The following MORN1 variants were observed in gnomAD, a reference collection of about 807,000 sequenced individuals.
MORN1 encodes MORN repeat containing 1, also known as MORN repeat-containing protein 1.
A neutral mutation model predicts 61.9 loss-of-function variants in MORN1; 67 were observed. The observed-to-expected ratio is 1.08, with a 90% CI of 0.89 to 1.33. The LOEUF (loss-of-function observed/expected upper bound fraction) is 1.33, where lower values mean the gene tolerates loss of function less well. MORN1 is among the 40% of genes most tolerant of loss of function. The pLI is 0.00. For missense variants in MORN1, 752 were observed against 691.2 expected, an observed-to-expected ratio of 1.09 and a Z score of -0.99; for synonymous variants, 301 against 292.0, an observed-to-expected ratio of 1.03 and a Z score of -0.31.
intron 2 of MORN1, among the ~76,000 whole-genome samples, chr1:2,389,006 TGAGGCTGAGGCAG>T (rs1642574613): frequency 6.8e-6 from 1 of 148,104 alleles, no homozygotes; most frequent in South Asian, 2.1e-4. Flanking sequence ...CAGCTACTCA[TGAGGCTGAGGCAG>T]GAGAATCACT....
In MORN1 at chr1:2,324,050, CCAGA is replaced by C. The variant is rs3831908; in HGVS notation, c.1297+43_1297+46del. 3.6e-3 allele frequency: 5,628 copies of C among 1,565,350 alleles called. 333 individuals carry two copies. The East Asian group carries it at 0.12, about 33-fold the overall frequency. On this transcript the variant is annotated intron_variant, in intron 13 of 13. Coordinates refer to ENST00000378531, the MANE Select transcript of MORN1 (RefSeq NM_024848.3). ...AGCCCTGGGCTGCGGCCTCGCCTCT[CCAGA>C]CAGTGGCACAGCCGGCGATGGACTT...
chr1:2,355,177 CAGTA>C (rs1187807210), intron 10 of MORN1: 4 of 1,198,876 alleles, frequency 3.3e-6, no homozygotes, highest in Non-Finnish European at 4.2e-6. Context: ...GCATGGCGCC[CAGTA>C]AGTATTTTTA....
chr1:2,340,979 G>A (rs770306229), intron 10 of MORN1, among the ~76,000 whole-genome samples: 11 of 152,374 alleles, frequency 7.2e-5, no homozygotes, highest in Middle Eastern at 3.4e-3. Flanking sequence ...ACGAGACCAC[G>A]ACGCGGGCTG....
chr1:2,327,843 G>A (rs1381230440), intron 12 of MORN1, among the ~76,000 whole-genome samples: 2 of 152,292 alleles, frequency 1.3e-5, no homozygotes, highest in African/African-American at 2.4e-5. Flanking sequence ...CCTGACGGGT[G>A]AGGGCCGCTT....
At chr1:2,323,331 A>G in intron 13 of MORN1, 3 of 985,234 alleles carry the variant, frequency 3.0e-6, no homozygotes, top group Non-Finnish European at 3.6e-6. Flanking sequence ...TGGCATCCAG[A>G]CCCCAGTGAG....
At chr1:2,389,113 CAA>C (rs549291051) in intron 2 of MORN1, among the ~76,000 whole-genome samples, 20 of 112,952 alleles carry the variant, frequency 1.8e-4, no homozygotes, top group Non-Finnish European at 1.8e-4. Context: ...ACTCTGTCTC[CAA>C]AAAAAAAAAA....
rs1642192202 is a variant in MORN1 at position 2,374,498 on chromosome 1, G to GCCC, written c.596_597insGGG (p.Val199_Thr200insGly). The GCCC allele has an allele frequency of 6.2e-7, 1 of 1,603,690 alleles. No individual in the cohort carries two copies. Among genetic ancestry groups the GCCC allele is most frequent in the Non-Finnish European group, 8.5e-7 (1 of 1,175,854 alleles). Reference sequence around the variant, plus strand: ...CATTGATCCACAACCCATAATAGGTGACCCCTGAGCAGTGGGCCATGCTGC... The same window carrying GCCC: ...CATTGATCCACAACCCATAATAGGTGCCCACCCCTGAGCAGTGGGCCATGCTGC... On this transcript the variant is annotated inframe_insertion, in exon 7 of 14. Coordinates refer to ENST00000378531, the MANE Select transcript of MORN1 (RefSeq NM_024848.3).
chr1:2,373,240 G>A (rs1356487272), intron 7 of MORN1, among the ~76,000 whole-genome samples: 1 of 152,252 alleles, frequency 6.6e-6, no homozygotes, highest in African/African-American at 2.4e-5. Context: ...GGGATCTGAG[G>A]CTGCCTCAAA....
chr1:2,325,287 C>CCTCTCT (rs59175712), intron 12 of MORN1, among the ~76,000 whole-genome samples: 44 of 136,458 alleles, frequency 3.2e-4, no homozygotes, highest in Non-Finnish European at 5.0e-4. Flanking sequence ...CTCTCTCTCT[C>CCTCTCT]CTCTCTCTCT....
At chr1:2,322,224 TAAG>T (rs1569894769) in intron 13 of MORN1, 11 of 984,994 alleles carry the variant, frequency 1.1e-5, no homozygotes, top group Non-Finnish European at 1.3e-5. Flanking sequence ...AAAAAGAAAA[TAAG>T]AAATAACAAA....
rs1447419901 is a variant in MORN1 at position 2,337,411 on chromosome 1, G to A, written c.1037-561C>T. Among the ~76,000 whole-genome samples the A allele has an allele frequency of 1.3e-5, 2 of 152,174 alleles. No homozygotes were observed. The highest frequency in any genetic ancestry group is 1.9e-4 in the East Asian group (1 of 5,188). The stretch of plus-strand genomic sequence containing the variant: ...CCCCAGGTCCTCGGGCATCAGAGGC[G>A]GGTGTGGGCGGGCTCAGCCTGTGCA... On this transcript the variant is annotated intron_variant, in intron 10 of 13. Transcript: ENST00000378531. The surrounding 1 kb of genome is among the most constrained non-coding windows in gnomAD (Gnocchi z 5.7).
chr1:2,334,885 C>T lies in MORN1; in HGVS notation c.1250+1584G>A, dbSNP rs536728823. Among the ~76,000 whole-genome samples the T allele has an allele frequency of 2.0e-4, 31 of 152,306 alleles. No individual in the cohort carries two copies. The highest frequency in any genetic ancestry group is 4.8e-4 in the African/African-American group (20 of 41,582). On this transcript the variant is annotated intron_variant, in intron 12 of 13. Transcript: ENST00000378531. The surrounding 1 kb of genome is among the most constrained non-coding windows in gnomAD (Gnocchi z 5.4). ...ATCACCCTCAGCGCGGAGGTTGCCA[C>T]GGTTCTGGAGCGAAGTGGAGGTGCC...
chr1:2,350,199 A>C (rs934786431), intron 10 of MORN1, among the ~76,000 whole-genome samples: 1 of 152,248 alleles, frequency 6.6e-6, no homozygotes, highest in African/African-American at 2.4e-5. Context: ...TTTGTTACTA[A>C]AATCTGGGTG....
chr1:2,361,150 A>C (rs897464397), intron 8 of MORN1, among the ~76,000 whole-genome samples: 1 of 152,262 alleles, frequency 6.6e-6, no homozygotes, highest in Non-Finnish European at 1.5e-5. Context: ...CCATCTACTG[A>C]AACCGGTCCA....
At position 2,352,145 on chromosome 1, in the gene MORN1, G is replaced by T. The variant is rs1306473279; in HGVS notation, c.1036+5287C>A. ...AGTGTTTGTGAGCTTTTTGTCCCCT[G>T]GTTCTGCATTAATAATAGCTAATAA... On this transcript the variant is annotated intron_variant, in intron 10 of 13. Transcript: ENST00000378531. The T allele has an allele frequency of 8.3e-6, 3 of 361,196 alleles. No homozygotes were observed. In the East Asian group the frequency reaches 1.9e-4, roughly 23 times the overall value. 22.4% of individuals were successfully genotyped at this position (361,196 alleles called of 1,614,324 possible).
At chr1:2,360,716 T>C (rs2840541) in intron 8 of MORN1, among the ~76,000 whole-genome samples, 78,990 of 152,002 alleles carry the variant, frequency 0.52, 22,126 homozygotes, top group African/African-American at 0.74. Flanking sequence ...TCAGCACACC[T>C]GGGACAAAAC....
At chr1:2,324,977 G>GACT (rs1553205698) in intron 12 of MORN1, among the ~76,000 whole-genome samples, 1 of 151,144 alleles carries the variant, frequency 6.6e-6, no homozygotes, top group East Asian at 2.0e-4. Context: ...GAGGAAGCTG[G>GACT]GCCCGGCAGG....
chr1:2,349,502 A>T (rs1407362546), intron 10 of MORN1, among the ~76,000 whole-genome samples: 1 of 152,216 alleles, frequency 6.6e-6, no homozygotes, highest in African/African-American at 2.4e-5. Flanking sequence ...TGGAAGCAAC[A>T]TGATATCTTT....
At chr1:2,328,809 C>T (rs1345301856) in intron 12 of MORN1, among the ~76,000 whole-genome samples, 1 of 152,198 alleles carries the variant, frequency 6.6e-6, no homozygotes, top group African/African-American at 2.4e-5. Context: ...GCCTGTGTGT[C>T]CTGCCCCATG....
Sources: gnomAD v4.1 joint callset for allele counts (sites outside exome capture counted in the v4.1 genomes callset) on GRCh38, gnomAD v4.1.1 for gene constraint, Gnocchi (gnomAD v3.1) non-coding constraint, MANE v1.5 for transcripts, NCBI Gene and HGNC (gene_info 2026-07-23, HGNC 2026-07-21) for gene names.